The following GABRB3 variants were observed in gnomAD, a reference collection of about 807,000 sequenced individuals.
GABRB3 encodes the protein gamma-aminobutyric acid type A receptor subunit beta3.
GABRB3 carries 14 observed loss-of-function variants against 52.1 expected under a neutral mutation model. That is an observed-to-expected ratio of 0.27 (90% CI 0.18 to 0.42). The LOEUF (loss-of-function observed/expected upper bound fraction) is 0.42, where lower values mean the gene tolerates loss of function less well. Ranked by LOEUF, GABRB3 falls within the 10% of genes least tolerant of loss-of-function variation. The pLI is 1.00. For missense variants in GABRB3, 307 were observed against 609.1 expected (o/e 0.50, Z 5.22); for synonymous variants, 260 against 232.3 (o/e 1.12, Z -1.08).
chr15:26,669,854 C>A (rs922183863), intron 3 of GABRB3, among the ~76,000 whole-genome samples: 1 of 152,230 alleles, frequency 6.6e-6, no homozygotes, highest in East Asian at 1.9e-4. Context: ...CTGATCCTTT[C>A]TCTCTTTTGG....
chr15:26,708,639 G>A (rs534614845), intron 3 of GABRB3, among the ~76,000 whole-genome samples: 1 of 152,326 alleles, frequency 6.6e-6, no homozygotes, highest in South Asian at 2.1e-4. Context: ...GGAAGAGAAG[G>A]TTCAAGAGTG....
intron 6 of GABRB3, among the ~76,000 whole-genome samples, chr15:26,575,356 C>T (rs1358624984): frequency 6.6e-6 from 1 of 152,074 alleles, no homozygotes; most frequent in Non-Finnish European, 1.5e-5. Flanking sequence ...GGATTGTAAC[C>T]GGCTAGGAAG....
intron 6 of GABRB3, among the ~76,000 whole-genome samples, chr15:26,577,050 G>T (rs1033224005): frequency 1.3e-5 from 2 of 152,138 alleles, no homozygotes; most frequent in Admixed American, 6.5e-5. Context: ...GCAACATACA[G>T]AAAGAAATGA....
At chr15:26,629,249 G>T in intron 3 of GABRB3, 1 of 1,264,254 alleles carries the variant, frequency 7.9e-7, no homozygotes. Context: ...GCGGAAGCTT[G>T]GCCCCGAGAG....
At chr15:26,549,236 T>C (rs1595429867) in intron 8 of GABRB3, among the ~76,000 whole-genome samples, 1 of 152,202 alleles carries the variant, frequency 6.6e-6, no homozygotes, top group African/African-American at 2.4e-5. Flanking sequence ...ATTTCATCAA[T>C]GGCATCCAGC....
rs539044468 is a variant in GABRB3 at position 26,715,583 on chromosome 15, AAAT to A, written c.240+56816_240+56818del. On this transcript the variant is annotated intron_variant, in intron 3 of 8. Coordinates refer to ENST00000311550, the MANE Select transcript of GABRB3 (RefSeq NM_000814.6). ...TGGTAATTATGTTGAAGAAATTATG[AAAT>A]AATAACTATTTATAAACCGATTCTC... Among the ~76,000 whole-genome samples the A allele has an allele frequency of 2.9e-3, 448 of 152,348 alleles. 2 individuals carry two copies. Among genetic ancestry groups the A allele is most frequent in the Admixed American group, 6.1e-3 (94 of 15,302 alleles).
intron 3 of GABRB3, among the ~76,000 whole-genome samples, chr15:26,705,526 C>T (rs1270160252): frequency 6.6e-6 from 1 of 152,154 alleles, no homozygotes; most frequent in African/African-American, 2.4e-5. Flanking sequence ...AAACTCTATT[C>T]ACCAATAAAA....
chr15:26,721,963 G>C (rs112745488), intron 3 of GABRB3, among the ~76,000 whole-genome samples: 24 of 152,154 alleles, frequency 1.6e-4, no homozygotes, highest in African/African-American at 5.8e-4. Flanking sequence ...TTTTCTAACT[G>C]TAGTTCCACA....
chr15:26,722,584 G>A (rs898235873), intron 3 of GABRB3, among the ~76,000 whole-genome samples: 3 of 152,116 alleles, frequency 2.0e-5, no homozygotes. Flanking sequence ...TTCAGTCCTC[G>A]TAATCTGACA....
In GABRB3 at chr15:26,584,804, C is replaced by A. The variant is rs116489065; in HGVS notation, c.462-1390G>T. 2.8e-3 allele frequency among the ~76,000 whole-genome samples: 429 copies of A among 152,240 alleles called. 5 individuals are homozygous for A. Among genetic ancestry groups the A allele is most frequent in the African/African-American group, 9.5e-3 (395 of 41,534 alleles). On this transcript the variant is annotated intron_variant, in intron 4 of 8. Coordinates refer to ENST00000311550, the MANE Select transcript of GABRB3 (RefSeq NM_000814.6). Reference sequence around the variant, plus strand: ...ACACTACATATCTCTAGAACCCCACCCTTTCCCCACCACTGTCAAAGGTGA... The same window carrying A: ...ACACTACATATCTCTAGAACCCCACACTTTCCCCACCACTGTCAAAGGTGA...
intron 3 of GABRB3, among the ~76,000 whole-genome samples, chr15:26,752,035 T>C (rs1386634257): frequency 6.6e-6 from 1 of 152,080 alleles, no homozygotes; most frequent in African/African-American, 2.4e-5. Flanking sequence ...TTAAAACATT[T>C]TTTAAAAGTC....
At chr15:26,750,004 TG>T (rs1890459408) in intron 3 of GABRB3, 1 of 152,212 alleles carries the variant, frequency 6.6e-6, no homozygotes, top group Admixed American at 6.5e-5. Flanking sequence ...CTGGGAGGAA[TG>T]GCACTATTCC....
At chr15:26,738,938 A>G (rs1346392691) in intron 3 of GABRB3, among the ~76,000 whole-genome samples, 1 of 152,242 alleles carries the variant, frequency 6.6e-6, no homozygotes, top group Non-Finnish European at 1.5e-5. Flanking sequence ...ACAGAAAAAA[A>G]GGGGAAGAAA....
chr15:26,601,067 G>A (rs1891568904), intron 4 of GABRB3, among the ~76,000 whole-genome samples: 2 of 152,030 alleles, frequency 1.3e-5, no homozygotes, highest in African/African-American at 2.4e-5. Context: ...AGTATAAGAT[G>A]TTCTACGTAA....
chr15:26,641,341 CT>C (rs1169485277), intron 3 of GABRB3, among the ~76,000 whole-genome samples: 1 of 152,230 alleles, frequency 6.6e-6, no homozygotes, highest in African/African-American at 2.4e-5. Context: ...GCAGAGAAGG[CT>C]TGCTTCAGCC....
intron 4 of GABRB3, among the ~76,000 whole-genome samples, chr15:26,599,094 G>A (rs1053812494): frequency 6.6e-6 from 1 of 152,052 alleles, no homozygotes; most frequent in African/African-American, 2.4e-5. Flanking sequence ...CAAAAAGCCT[G>A]CGCAATGACC....
intron 6 of GABRB3, 47 bp downstream of exon 6, chr15:26,580,272 A>AT (rs1890739901): frequency 2.5e-6 from 4 of 1,612,812 alleles, no homozygotes; most frequent in Admixed American, 1.7e-5. Context: ...AGTCACGCCC[A>AT]TGGAGCCAGT....
chr15:26,693,273 C>T (rs770792278), intron 3 of GABRB3, among the ~76,000 whole-genome samples: 1 of 152,182 alleles, frequency 6.6e-6, no homozygotes, highest in African/African-American at 2.4e-5. Context: ...TATTGAGTTG[C>T]CTGAATTCAC....
At chr15:26,699,331 C>T (rs1172675855) in intron 3 of GABRB3, among the ~76,000 whole-genome samples, 1 of 152,070 alleles carries the variant, frequency 6.6e-6, no homozygotes, top group East Asian at 1.9e-4. Context: ...AGTAACGTAA[C>T]TGTGTCAAAG....
Sources: allele counts gnomAD v4.1 joint callset (sites outside exome capture counted in the v4.1 genomes callset), GRCh38; gene constraint gnomAD v4.1.1; transcripts MANE v1.5; gene names NCBI Gene and HGNC (gene_info 2026-07-23, HGNC 2026-07-21).